ST6GAL2: variants seen among roughly 807,000 people sequenced by gnomAD.
ST6GAL2 encodes beta-galactoside alpha-2,6-sialyltransferase 2.
A neutral mutation model predicts 37.5 loss-of-function variants in ST6GAL2; 24 were observed. The ratio of observed to expected loss-of-function variants is 0.64; its 90% CI spans 0.46 to 0.90. The LOEUF is 0.90. Among genes scored for constraint, ST6GAL2 ranks in the 40% least tolerant of loss-of-function variants. ST6GAL2 has a pLI of 0.00. For synonymous variants in ST6GAL2, 306 were observed against 295.1 expected (o/e 1.04, Z -0.38); for missense variants, 715 against 712.7 (o/e 1.00, Z -0.04).
intron 2 of ST6GAL2, among the ~76,000 whole-genome samples, chr2:106,836,749 G>C (rs1342273215): frequency 1.0e-5 from 1 of 99,520 alleles, no homozygotes; most frequent in Non-Finnish European, 1.8e-5. Context: ...CCACCATGGA[G>C]AAACCCCGTC....
intron 5 of ST6GAL2, among the ~76,000 whole-genome samples, chr2:106,828,338 A>G (rs1020868889): frequency 1.3e-5 from 2 of 152,158 alleles, no homozygotes; most frequent in Admixed American, 1.3e-4. Context: ...TATCCTGTTT[A>G]TCCTTTGCTG....
intron 1 of ST6GAL2, among the ~76,000 whole-genome samples, chr2:106,859,570 T>C (rs1677717784): frequency 6.6e-6 from 1 of 152,164 alleles, no homozygotes; most frequent in Non-Finnish European, 1.5e-5. Flanking sequence ...GGTCTAAAAC[T>C]CTGGTGTTTT....
chr2:106,815,404 C>T (rs1675763729), intron 5 of ST6GAL2, among the ~76,000 whole-genome samples: 1 of 152,118 alleles, frequency 6.6e-6, no homozygotes, highest in Non-Finnish European at 1.5e-5. Context: ...ATATCAAGCA[C>T]TCTGAAACAA....
At chr2:106,877,616 G>A (rs1678561508) in intron 1 of ST6GAL2, among the ~76,000 whole-genome samples, 1 of 152,208 alleles carries the variant, frequency 6.6e-6, no homozygotes, top group South Asian at 2.1e-4. Flanking sequence ...GTACACAGTT[G>A]AACATGCCAA....
chr2:106,810,035 G>C (rs960555415), intron 5 of ST6GAL2, among the ~76,000 whole-genome samples: 1 of 152,132 alleles, frequency 6.6e-6, no homozygotes, highest in Non-Finnish European at 1.5e-5. Flanking sequence ...GTTGACAGCT[G>C]ATCTAGATTT....
chr2:106,848,385 C>T (rs1370477589), intron 1 of ST6GAL2, among the ~76,000 whole-genome samples: 1 of 152,198 alleles, frequency 6.6e-6, no homozygotes, highest in Non-Finnish European at 1.5e-5. Context: ...GTCACCATTT[C>T]CTGGTTTCCC....
rs1460269315 is a variant in ST6GAL2 at position 106,806,780 on chromosome 2, G to A, written c.1488C>T (p.Asn496=). Residue 496 remains asparagine, a synonymous_variant, in exon 6 of 6, where the codon AAC becomes AAT. Transcript: ENST00000409382. ...GATGCAAATCCCCCTGCGTGCCCAT[G>A]TTCAGGCGCTGCACCAGGAGCTTCT... The part of the protein sequence containing the change: ...LYEKLLVQRL[N]MGTQGDLHRK... 6.2e-7 allele frequency: 1 copy of A among 1,614,192 alleles called. No individual in the cohort carries two copies. The highest frequency in any genetic ancestry group is 1.7e-5 in the Admixed American group (1 of 60,026).
chr2:106,886,294 C>T (rs2104680261), upstream of ST6GAL2: 1 of 152,320 alleles, frequency 6.6e-6, no homozygotes, highest in East Asian at 1.9e-4. Flanking sequence ...CGACTCACGC[C>T]GCGGAACTTG....
At chr2:106,854,766 A>G (rs7607861) in intron 1 of ST6GAL2, among the ~76,000 whole-genome samples, 150,617 of 152,238 alleles carry the variant, frequency 0.99, 74,508 homozygotes, top group Middle Eastern at 1. Flanking sequence ...CCCATCATTA[A>G]GTAACCTGAG....
At chr2:106,880,761 G>A (rs1678717158) in intron 1 of ST6GAL2, among the ~76,000 whole-genome samples, 1 of 152,200 alleles carries the variant, frequency 6.6e-6, no homozygotes, top group African/African-American at 2.4e-5. Flanking sequence ...GGAAGGGCTA[G>A]GCTCTTGTCC....
intron 1 of ST6GAL2, among the ~76,000 whole-genome samples, chr2:106,853,084 C>T (rs991087073): frequency 2.0e-5 from 3 of 151,672 alleles, no homozygotes; most frequent in African/African-American, 7.3e-5. Flanking sequence ...AACTCAAGCA[C>T]CAGCCTTAAA....
chr2:106,843,249 C>T lies in ST6GAL2; in HGVS notation c.729G>A (p.Glu243=), dbSNP rs143471919. The T allele has an allele frequency of 9.3e-3, 14,729 of 1,591,822 alleles. 86 individuals carry two copies. The highest frequency in any genetic ancestry group is 0.011 in the Non-Finnish European group (12,581 of 1,168,818). ...GCAGCTGTGCCCTGCTCAGCCCGGC[C>T]TCCCGCTTCCCGCGGAAGCGCACCC... is the stretch of plus-strand genomic sequence containing the variant. ...KHGVRFRGKR[E]AGLSRAQLLC... is the part of the protein sequence containing the mutation. Residue 243 remains glutamate, a synonymous_variant, in exon 2 of 6, where the codon GAG becomes GAA. Coordinates refer to ENST00000409382, the MANE Select transcript of ST6GAL2 (RefSeq NM_001142351.2).
At chr2:106,884,413 C>A (rs1215953266) in intron 1 of ST6GAL2, among the ~76,000 whole-genome samples, 9 of 152,168 alleles carry the variant, frequency 5.9e-5, no homozygotes. Flanking sequence ...CTTCCTAGAT[C>A]CTGTGCACCA....
rs574501327 is a variant in ST6GAL2 at position 106,856,425 on chromosome 2, T to C, written c.-57-12391A>G. 8.4e-4 allele frequency among the ~76,000 whole-genome samples: 128 copies of C among 152,348 alleles called. 1 individual carries two copies. The highest frequency in any genetic ancestry group is 3.0e-3 in the African/African-American group (123 of 41,590). Reference sequence around the variant, plus strand: ...CCAAACTGTCCCTCAAATGGGTTTGTTCAAGATCTAGACTTGAGTGTGGAA... The same window carrying C: ...CCAAACTGTCCCTCAAATGGGTTTGCTCAAGATCTAGACTTGAGTGTGGAA... On this transcript the variant is annotated intron_variant, in intron 1 of 5. Coordinates refer to ENST00000409382, the MANE Select transcript of ST6GAL2 (RefSeq NM_001142351.2).
intron 1 of ST6GAL2, among the ~76,000 whole-genome samples, chr2:106,854,333 A>C (rs536482499): frequency 4.6e-5 from 7 of 152,314 alleles, no homozygotes; most frequent in African/African-American, 1.7e-4. Flanking sequence ...TGTGAGTTGT[A>C]AGATCATCAC....
rs538388679 is a variant in ST6GAL2 at position 106,867,904 on chromosome 2, C to A, written c.-58+18189G>T. On this transcript the variant is annotated intron_variant, in intron 1 of 5. Transcript: ENST00000409382. ...TTCTTCCTCAACCTCTCCCTCCCCC[C>A]ACAAAAGCCACTGTCTGGGTTGTAA... 7.2e-5 allele frequency among the ~76,000 whole-genome samples: 11 copies of A among 152,242 alleles called. No individual in the cohort carries two copies. The East Asian group carries it at 7.7e-4, about 11-fold the overall frequency.
chr2:106,875,890 C>A (rs1452566169), intron 1 of ST6GAL2, among the ~76,000 whole-genome samples: 1 of 152,154 alleles, frequency 6.6e-6, no homozygotes, highest in Non-Finnish European at 1.5e-5. Flanking sequence ...TGTCCACTTG[C>A]AATATTAAAT....
At chr2:106,828,965 T>C (rs193274433) in intron 5 of ST6GAL2, among the ~76,000 whole-genome samples, 10 of 152,294 alleles carry the variant, frequency 6.6e-5, no homozygotes, top group Admixed American at 3.9e-4. Context: ...GCTCTTGTTA[T>C]ATAAAACCCA....
chr2:106,876,945 G>A (rs1678529417), intron 1 of ST6GAL2, among the ~76,000 whole-genome samples: 1 of 152,072 alleles, frequency 6.6e-6, no homozygotes, highest in African/African-American at 2.4e-5. Flanking sequence ...GGCAGAAAAT[G>A]AGGAAGAGAA....
Sources: allele counts gnomAD v4.1 joint callset (sites outside exome capture counted in the v4.1 genomes callset), GRCh38; gene constraint gnomAD v4.1.1; transcripts MANE v1.5; gene names NCBI Gene and HGNC (gene_info 2026-07-23, HGNC 2026-07-21).